COMMD10: variants seen among roughly 807,000 people sequenced by gnomAD.
COMMD10 encodes the protein COMM domain-containing protein 10.
Under a neutral mutation model 28.9 loss-of-function variants are expected in COMMD10, and 33 were observed. The observed-to-expected ratio is 1.14, with a 90% CI of 0.87 to 1.53. COMMD10 has a LOEUF of 1.53. Ranked by LOEUF, COMMD10 falls within the 40% of genes most tolerant of loss-of-function variation. The probability of loss-of-function intolerance (pLI) is 0.00; values close to 1 mark genes in which losing one functional copy is unlikely to be tolerated. For synonymous variants in COMMD10, 110 were observed against 81.7 expected (o/e 1.35, Z -1.87); for missense variants, 310 against 233.4 (o/e 1.33, Z -2.14).
chr5:116,104,648 C>G (rs961611653), intron 4 of COMMD10, among the ~76,000 whole-genome samples: 2 of 150,540 alleles, frequency 1.3e-5, no homozygotes, highest in African/African-American at 4.9e-5. Flanking sequence ...GAGACGGAGT[C>G]TCACTCTGTC....
intron 5 of COMMD10, among the ~76,000 whole-genome samples, chr5:116,266,057 C>A (rs1031028922): frequency 1.3e-5 from 2 of 151,504 alleles, no homozygotes; most frequent in Non-Finnish European, 2.9e-5. Context: ...GTGGGGAAGG[C>A]CTCCTGGAAG....
rs540115852 is a variant in COMMD10, at chr5:116,109,969, T to C, written c.399+17269T>C. ...GTCCAACGTTTTTGAGGAAATGTTT[T>C]TAACTTTTCCCTGTTCAGTGTGATG... On this transcript the variant is annotated intron_variant, in intron 4 of 6. Transcript: ENST00000274458. Among the ~76,000 whole-genome samples the C allele has an allele frequency of 1.5e-3, 233 of 152,348 alleles. 2 individuals are homozygous for C. The highest frequency in any genetic ancestry group is 5.5e-3 in the African/African-American group (230 of 41,582).
At chr5:116,248,877 A>G (rs1335727148) in intron 5 of COMMD10, among the ~76,000 whole-genome samples, 2 of 151,986 alleles carry the variant, frequency 1.3e-5, no homozygotes, top group Admixed American at 6.6e-5. Flanking sequence ...ATTTCTCACC[A>G]TGCATATTAT....
chr5:116,285,406 G>A (rs1212135673), intron 5 of COMMD10, among the ~76,000 whole-genome samples: 1 of 151,826 alleles, frequency 6.6e-6, no homozygotes, highest in Non-Finnish European at 1.5e-5. Context: ...GCACATCTAA[G>A]CTCCATTCTT....
intron 4 of COMMD10, among the ~76,000 whole-genome samples, chr5:116,104,717 T>C (rs1750782547): frequency 6.6e-6 from 1 of 152,100 alleles, no homozygotes; most frequent in South Asian, 2.1e-4. Context: ...CCTCCCGAGT[T>C]CATGCCATTC....
intron 4 of COMMD10, among the ~76,000 whole-genome samples, chr5:116,127,605 G>C (rs1751703834): frequency 6.6e-6 from 1 of 152,172 alleles, no homozygotes; most frequent in Non-Finnish European, 1.5e-5. Context: ...CATAAAAAAG[G>C]ATGAGTTCAT....
intron 5 of COMMD10, among the ~76,000 whole-genome samples, chr5:116,151,820 T>C (rs1752538517): frequency 6.6e-6 from 1 of 152,168 alleles, no homozygotes; most frequent in Non-Finnish European, 1.5e-5. Flanking sequence ...CCTGGATTCA[T>C]TAATTTTTTG....
chr5:116,085,080 C>T lies in COMMD10; in HGVS notation c.28C>T (p.Arg10Trp), dbSNP rs779650552. 3 of 1,610,266 alleles carry T rather than the reference C, an allele frequency of 1.9e-6. No individual in the cohort carries two copies. Among genetic ancestry groups the T allele is most frequent in the East Asian group, 2.2e-5 (1 of 44,742 alleles). Residue 10 changes from arginine to tryptophan, a missense_variant, in exon 1 of 7, where the codon CGG (arginine) becomes TGG (tryptophan). By Grantham distance (101) the Arg-to-Trp change is moderately radical. Transcript: ENST00000274458. MAVPAALIL[R>W]ESPSMKKAVS... The stretch of plus-strand genomic sequence containing the variant: ...GGCGGTCCCCGCGGCGCTGATCCTA[C>T]GGGAGAGCCCCAGGTAGCTGATCCG...
chr5:116,235,399 G>A (rs1206544138), intron 5 of COMMD10, among the ~76,000 whole-genome samples: 4 of 152,146 alleles, frequency 2.6e-5, no homozygotes, highest in Non-Finnish European at 5.9e-5. Context: ...TTGAAAAGCT[G>A]TCATTTAAGC....
rs547050921 is a variant in COMMD10, at chr5:116,141,599, T to C, written c.510+7421T>C. Among the ~76,000 whole-genome samples, 91 of 152,008 alleles carry C rather than the reference T, an allele frequency of 6.0e-4. 1 individual carries two copies. The highest frequency in any genetic ancestry group is 1.2e-3 in the Non-Finnish European group (81 of 67,878). On this transcript the variant is annotated intron_variant, in intron 5 of 6. Transcript: ENST00000274458. The stretch of plus-strand genomic sequence containing the variant: ...TTCAATTTCTTTAATCAGTGTGTTA[T>C]AGTTTTCAGAGCTTTCACTTCTTTA...
intron 5 of COMMD10, among the ~76,000 whole-genome samples, chr5:116,166,933 GCCCATTCTCCT>G (rs1341580434): frequency 3.3e-5 from 5 of 152,058 alleles, no homozygotes; most frequent in Non-Finnish European, 4.4e-5. Context: ...AAACCAGAAT[GCCCATTCTCCT>G]CCAAAGGATC....
intron 5 of COMMD10, among the ~76,000 whole-genome samples, chr5:116,186,482 C>T (rs540350981): frequency 6.6e-6 from 1 of 152,222 alleles, no homozygotes; most frequent in South Asian, 2.1e-4. Flanking sequence ...CTGGGAAACA[C>T]TCTCTGCCTT....
intron 5 of COMMD10, among the ~76,000 whole-genome samples, chr5:116,288,480 C>T (rs1027771508): frequency 6.6e-5 from 10 of 151,874 alleles, no homozygotes; most frequent in Admixed American, 5.9e-4. Flanking sequence ...ATGTACATTT[C>T]TGTCCACAGA....
chr5:116,196,254 C>T (rs1748516991), intron 5 of COMMD10, among the ~76,000 whole-genome samples: 1 of 152,086 alleles, frequency 6.6e-6, no homozygotes, highest in Admixed American at 6.6e-5. Context: ...GAATGGAAAA[C>T]CGACCATTGT....
In COMMD10 at chr5:116,134,186, A is replaced by G. The variant is rs375876246; in HGVS notation, c.510+8A>G. ...AACAATGAAGATTCAAAGGTAAGAA[A>G]TGGTATCCCATTAAAAGGATGTATT... On this transcript the variant is annotated splice_region_variant and intron_variant, in intron 5 of 6. Transcript: ENST00000274458. 3.7e-5 allele frequency: 54 copies of G among 1,451,278 alleles called. No homozygotes were observed. The highest frequency in any genetic ancestry group is 4.8e-5 in the Non-Finnish European group (49 of 1,030,944). The allele number at this position is 1,451,278 out of a possible 1,614,324, so 89.9% of individuals were successfully genotyped here.
chr5:116,278,858 G>T (rs1446641589), intron 5 of COMMD10, among the ~76,000 whole-genome samples: 1 of 151,734 alleles, frequency 6.6e-6, no homozygotes, highest in African/African-American at 2.4e-5. Context: ...TATATTTTCT[G>T]AGTAAACAAG....
intron 5 of COMMD10, among the ~76,000 whole-genome samples, chr5:116,251,407 G>A (rs1173960322): frequency 6.9e-6 from 1 of 144,076 alleles, no homozygotes; most frequent in Non-Finnish European, 1.5e-5. Flanking sequence ...TCGTCATCTA[G>A]CATTAGGTAT....
At chr5:116,090,470 A>G (rs957209202) in intron 2 of COMMD10, among the ~76,000 whole-genome samples, 7 of 152,218 alleles carry the variant, frequency 4.6e-5, no homozygotes, top group Admixed American at 2.0e-4. Context: ...CACTTCAAAA[A>G]TAACTGTCAC....
intron 5 of COMMD10, among the ~76,000 whole-genome samples, chr5:116,215,695 AATAT>A (rs58135204): frequency 0.13 from 17,435 of 133,172 alleles, 1,187 homozygotes; most frequent in East Asian, 0.22. Flanking sequence ...TAAAAAAAGA[AATAT>A]ATATATATAT....
Sources: gnomAD v4.1 joint callset for allele counts (sites outside exome capture counted in the v4.1 genomes callset) on GRCh38, gnomAD v4.1.1 for gene constraint, MANE v1.5 for transcripts, NCBI Gene and HGNC (gene_info 2026-07-23, HGNC 2026-07-21) for gene names.